Variants in HEG1 observed in about 807,000 individuals in gnomAD.
HEG1 encodes heart development protein with EGF like domains 1.
Under a neutral mutation model 125.6 loss-of-function variants are expected in HEG1, and 56 were observed. The ratio of observed to expected loss-of-function variants is 0.45; its 90% CI spans 0.36 to 0.56. The LOEUF (loss-of-function observed/expected upper bound fraction) is 0.56. Ranked by LOEUF, HEG1 falls within the 20% of genes least tolerant of loss-of-function variation. The probability of loss-of-function intolerance (pLI) is 0.00; values close to 1 mark genes in which losing one functional copy is unlikely to be tolerated. For missense variants in HEG1, 1,523 were observed against 1,670.0 expected (o/e 0.91, Z 1.53); for synonymous variants, 644 against 668.5 (o/e 0.96, Z 0.57).
chr3:125,013,390 G>C lies in HEG1; in HGVS notation c.2189C>G (p.Pro730Arg), dbSNP rs1253665963. 1 of 1,614,006 alleles carries C rather than the reference G, an allele frequency of 6.2e-7. No homozygotes were observed. Among genetic ancestry groups the C allele is most frequent in the Non-Finnish European group, 8.5e-7 (1 of 1,179,884 alleles). ...CAAGGTTGTTTGTGAGACAGAAAGT[G>C]GGGCAGATGTAGATGTCGTTAAGGA... Reference protein sequence around the residue: ...PVSLTTSTSAPLSVSQTTLPQ... With the variant: ...PVSLTTSTSARLSVSQTTLPQ... Residue 730 changes from proline (P) to arginine (R), a missense_variant, in exon 6 of 17, where the codon CCA (proline) becomes CGA (arginine). Coordinates refer to ENST00000311127, the MANE Select transcript of HEG1 (RefSeq NM_020733.2).
At chr3:125,054,673 G>C (rs1205327402) in intron 1 of HEG1, among the ~76,000 whole-genome samples, 1 of 152,186 alleles carries the variant, frequency 6.6e-6, no homozygotes, top group Non-Finnish European at 1.5e-5. Context: ...ACACCACCAC[G>C]TTGCTGACTT....
At chr3:124,978,956 C>CT (rs202079936) in intron 14 of HEG1, among the ~76,000 whole-genome samples, 3,347 of 136,784 alleles carry the variant, frequency 0.024, 153 homozygotes, top group African/African-American at 0.085. Context: ...TTTTTTTTTT[C>CT]TTTTTTTTTC....
intron 5 of HEG1, among the ~76,000 whole-genome samples, chr3:125,017,830 C>T (rs1187033607): frequency 6.6e-6 from 1 of 150,436 alleles, no homozygotes; most frequent in African/African-American, 2.5e-5. Context: ...ACCATCCTGG[C>T]TAACATGGTG....
chr3:125,024,178 C>G (rs1937380091), intron 3 of HEG1, among the ~76,000 whole-genome samples: 2 of 152,302 alleles, frequency 1.3e-5, no homozygotes, highest in Middle Eastern at 6.8e-3. Flanking sequence ...AGAACATTAG[C>G]TCAATTTCCA....
At chr3:125,042,989 C>T (rs1006553451) in intron 1 of HEG1, among the ~76,000 whole-genome samples, 32 of 152,220 alleles carry the variant, frequency 2.1e-4, no homozygotes, top group Non-Finnish European at 2.9e-4. Context: ...ACTCAGCCCT[C>T]GATCTGGACT....
At chr3:125,029,584 A>T (rs1428240482) in intron 1 of HEG1, 96 bp from the exon 2 acceptor site, 24 of 1,212,966 alleles carry the variant, frequency 2.0e-5, no homozygotes, top group Non-Finnish European at 2.6e-5. Context: ...ATCAGTAGAG[A>T]GTGAATTCAA....
intron 1 of HEG1, among the ~76,000 whole-genome samples, chr3:125,050,230 G>A (rs1245776871): frequency 6.7e-6 from 1 of 149,608 alleles, no homozygotes; most frequent in Non-Finnish European, 1.5e-5. Context: ...TGCAACCTCC[G>A]GCTCCCAGGT....
chr3:125,000,227 C>T (rs1332226310), intron 11 of HEG1, among the ~76,000 whole-genome samples: 1 of 152,160 alleles, frequency 6.6e-6, no homozygotes, highest in Non-Finnish European at 1.5e-5. Context: ...GAGGTACTTT[C>T]CCATAAACCA....
chr3:125,013,693 T>G lies in HEG1; in HGVS notation c.1886A>C (p.His629Pro), dbSNP rs770433548. 6.2e-7 allele frequency: 1 copy of G among 1,613,954 alleles called. No homozygotes were observed. ...TGTGTAGGACGGAAGGTTGGATGTA[T>G]GCAGAACTGGCGACTCAGTAGAAGG... ...AQPSTESPVL[H>P]TSNLPSYTPT... The change falls in exon 6 of 17, where the codon CAT becomes CCT. Residue 629 changes from histidine to proline, a missense_variant. Physicochemically the swap from His to Pro is moderately conservative, Grantham distance 77 (BLOSUM62 -2). Transcript: ENST00000311127.
chr3:125,013,164 G>A lies in HEG1; in HGVS notation c.2415C>T (p.Ser805=). 1 of 1,614,012 alleles carries A rather than the reference G, an allele frequency of 6.2e-7. No individual in the cohort carries two copies. The highest frequency in any genetic ancestry group is 8.5e-7 in the Non-Finnish European group (1 of 1,179,894). The change falls in exon 6 of 17, where the codon TCC becomes TCT. Residue 805 remains serine (S), a synonymous_variant. Coordinates refer to ENST00000311127, the MANE Select transcript of HEG1 (RefSeq NM_020733.2). ...GAGAGTTTGTTGTTACAGCTTTGGT[G>A]GACTCTGTGGGCAGAGACACCAGGC... ...SPSLVSLPTE[S]TKAVTTNSPL... is the part of the protein sequence containing the mutation.
At chr3:124,997,452 A>G (rs1178726644) in intron 12 of HEG1, among the ~76,000 whole-genome samples, 1 of 152,248 alleles carries the variant, frequency 6.6e-6, no homozygotes. Flanking sequence ...CAGGCATTCC[A>G]TTCTGTCTTC....
intron 8 of HEG1, chr3:125,009,434 C>T (rs909245197): frequency 5.9e-5 from 13 of 221,600 alleles, no homozygotes; most frequent in Non-Finnish European, 2.7e-5. Flanking sequence ...TTTTTAACAA[C>T]ACAGGAAAAT....
chr3:125,043,695 C>T (rs763126153), intron 1 of HEG1, among the ~76,000 whole-genome samples: 2 of 152,104 alleles, frequency 1.3e-5, no homozygotes, highest in African/African-American at 2.4e-5. Context: ...CCTCTGGACG[C>T]GAAGGCCAAG....
chr3:125,039,202 A>G (rs1343576241), intron 1 of HEG1, among the ~76,000 whole-genome samples: 1 of 151,706 alleles, frequency 6.6e-6, no homozygotes, highest in East Asian at 1.9e-4. Context: ...CTAATTGACA[A>G]CTTCCACTTC....
At chr3:125,035,851 G>C (rs1415734357) in intron 1 of HEG1, among the ~76,000 whole-genome samples, 1 of 152,070 alleles carries the variant, frequency 6.6e-6, no homozygotes, top group Admixed American at 6.6e-5. Flanking sequence ...GTCTGGCATG[G>C]GATAATTAGA....
Position 125,019,315 on chromosome 3 carries a change from G to C in HEG1, c.1535C>G (p.Ser512Cys). Residue 512 changes from serine (S) to cysteine (C), a missense_variant, in exon 5 of 17, where the codon TCT (serine) becomes TGT (cysteine). Ser to Cys is a moderately radical substitution (Grantham distance 112, BLOSUM62 -1). Transcript: ENST00000311127. ...ATTCAAGCTTTCCGAGGAAGATGTA[G>C]ATGAAGACTCTGAATAACTCCTATC... Reference protein sequence around the residue: ...LGDRSYSESSSTSSSESLNSS... With the variant: ...LGDRSYSESSCTSSSESLNSS... 6 of 1,613,780 alleles carry C rather than the reference G, an allele frequency of 3.7e-6. No individual in the cohort carries two copies. The highest frequency in any genetic ancestry group is 5.1e-6 in the Non-Finnish European group (6 of 1,179,682).
chr3:124,977,439 G>A (rs552100944), intron 15 of HEG1, among the ~76,000 whole-genome samples: 1 of 152,296 alleles, frequency 6.6e-6, no homozygotes, highest in South Asian at 2.1e-4. Flanking sequence ...TTGTTGAGTT[G>A]TAAGAGTTCC....
In HEG1 at chr3:125,013,448, G is replaced by C. The variant is rs186767264; in HGVS notation, c.2131C>G (p.Pro711Ala). ...AAAGGTGATGGTGAGGAAGACCATG[G>C]TGTGGATGCATCAGAGGTAGACTTT... ...LLKSTSDASTPWSSSPSPLPV... is the reference protein window; with the variant it reads ...LLKSTSDASTAWSSSPSPLPV... The change falls in exon 6 of 17, where the codon CCA (proline) becomes GCA (alanine). Residue 711 changes from proline (P) to alanine (A), a missense_variant. Coordinates refer to ENST00000311127, the MANE Select transcript of HEG1 (RefSeq NM_020733.2). 4.8e-5 allele frequency: 78 copies of C among 1,613,902 alleles called. No homozygotes were observed. Among genetic ancestry groups the C allele is most frequent in the Non-Finnish European group, 6.5e-5 (77 of 1,179,810 alleles).
At chr3:125,014,278 G>C (rs1200492693) in intron 5 of HEG1, among the ~76,000 whole-genome samples, 1 of 152,168 alleles carries the variant, frequency 6.6e-6, no homozygotes, top group Non-Finnish European at 1.5e-5. Flanking sequence ...TAAAAATGGA[G>C]AGGAGTTGCA....
Sources: allele counts gnomAD v4.1 joint callset (sites outside exome capture counted in the v4.1 genomes callset), GRCh38; gene constraint gnomAD v4.1.1; transcripts MANE v1.5; gene names NCBI Gene and HGNC (gene_info 2026-07-23, HGNC 2026-07-21).